Variants in DOCK11 observed in about 807,000 individuals in gnomAD.
DOCK11 encodes the protein dedicator of cytokinesis protein 11.
In DOCK11, 70 loss-of-function variants were observed where a neutral mutation model predicts 169.1. The ratio of observed to expected loss-of-function variants is 0.41; its 90% CI spans 0.34 to 0.51. The LOEUF (loss-of-function observed/expected upper bound fraction) is 0.51. DOCK11 is among the 20% of genes least tolerant of loss of function. DOCK11 has a pLI of 0.10. For missense variants in DOCK11, 1,166 were observed against 1,538.8 expected (o/e 0.76, Z 4.05); for synonymous variants, 529 against 541.3 (o/e 0.98, Z 0.32).
intron 1 of DOCK11, among the ~76,000 whole-genome samples, chrX:118,527,648 CATT>C (rs1569407103): frequency 8.9e-6 from 1 of 112,244 alleles, no homozygotes; most frequent in Non-Finnish European, 1.9e-5. Flanking sequence ...ATATTTTCCT[CATT>C]ATATTTTTGG....
At chrX:118,555,271 G>A (rs370868628) in intron 6 of DOCK11, among the ~76,000 whole-genome samples, 1 of 111,155 alleles carries the variant, frequency 9.0e-6, no homozygotes, top group South Asian at 3.8e-4. Flanking sequence ...ATTAAAACTT[G>A]GGGCCAGGTG....
At chrX:118,636,926 C>G (rs989931180) in intron 36 of DOCK11, among the ~76,000 whole-genome samples, 6 of 111,234 alleles carry the variant, frequency 5.4e-5, no homozygotes, top group Non-Finnish European at 9.4e-5. Context: ...GGGAAGTTGT[C>G]CTATATTTCA....
At chrX:118,616,756 G>A (rs1041271081) in intron 30 of DOCK11, among the ~76,000 whole-genome samples, 3 of 111,677 alleles carry the variant, frequency 2.7e-5, no homozygotes, top group African/African-American at 9.8e-5. Context: ...TGCATAGAAG[G>A]TGATAGGGAT....
At chrX:118,629,128 G>C (rs148806175) in intron 34 of DOCK11, among the ~76,000 whole-genome samples, 90 of 111,418 alleles carry the variant, frequency 8.1e-4, no homozygotes, top group African/African-American at 2.7e-3. Flanking sequence ...AAGTTCCCAG[G>C]TGATGTTGAT....
intron 28 of DOCK11, among the ~76,000 whole-genome samples, chrX:118,613,711 C>T (rs1231192814): frequency 8.9e-6 from 1 of 112,130 alleles, no homozygotes; most frequent in Non-Finnish European, 1.9e-5. Flanking sequence ...TGCTGGTGCC[C>T]GCCTTAGTCT....
At chrX:118,508,401 G>T (rs777865584) in intron 1 of DOCK11, among the ~76,000 whole-genome samples, 1 of 111,519 alleles carries the variant, frequency 9.0e-6, no homozygotes, top group East Asian at 2.8e-4. Context: ...TGCAGGGCCT[G>T]TTGTCACAGT....
At chrX:118,667,867 TATGTG>T (rs1170038634) in intron 45 of DOCK11, among the ~76,000 whole-genome samples, 1 of 111,832 alleles carries the variant, frequency 8.9e-6, no homozygotes, top group Non-Finnish European at 1.9e-5. Context: ...TACTGGTAGA[TATGTG>T]ATGTTTTGAT....
intron 1 of DOCK11, among the ~76,000 whole-genome samples, chrX:118,504,733 T>C (rs2057599139): frequency 8.9e-6 from 1 of 112,015 alleles, no homozygotes; most frequent in African/African-American, 3.2e-5. Flanking sequence ...GTGGGTAACA[T>C]TGGCCTGCCG....
At chrX:118,570,971 A>G (rs1019234563) in intron 10 of DOCK11, among the ~76,000 whole-genome samples, 6 of 112,021 alleles carry the variant, frequency 5.4e-5, no homozygotes, top group Non-Finnish European at 9.4e-5. Flanking sequence ...TTATTTCAAA[A>G]TACCAATAAT....
At chrX:118,547,420 A>G (rs757886033) in intron 6 of DOCK11, among the ~76,000 whole-genome samples, 2 of 111,805 alleles carry the variant, frequency 1.8e-5, no homozygotes, top group Admixed American at 1.9e-4. Flanking sequence ...GTTGTAGGAT[A>G]CTTCCTGTAT....
rs2014777847 is a variant in DOCK11, at chrX:118,615,148, TC to T, written c.3180+375del. Among the ~76,000 whole-genome samples, 3 of 112,197 alleles carry T rather than the reference TC, an allele frequency of 2.7e-5. No homozygotes were observed. The Admixed American group carries it at 2.8e-4, about 11-fold the overall frequency. On this transcript the variant is annotated intron_variant, in intron 29 of 52. Coordinates refer to ENST00000276202, the MANE Select transcript of DOCK11 (RefSeq NM_144658.4). ...GTGAAGGGTCTCACAGAGCACAGCC[TC>T]CTTCTAGCAGTGAAAATGCACTTGT...
chrX:118,512,274 G>A lies in DOCK11; in HGVS notation c.102+16201G>A, dbSNP rs147849726. On this transcript the variant is annotated intron_variant, in intron 1 of 52. Transcript: ENST00000276202. ...GGAGGAATGGTGGAAGGCAAGACCAGGGCTTAATCTCAAGAAACTGAAGGA... is the reference window on the plus strand; with the variant it reads ...GGAGGAATGGTGGAAGGCAAGACCAAGGCTTAATCTCAAGAAACTGAAGGA... 4.1e-3 allele frequency among the ~76,000 whole-genome samples: 458 copies of A among 112,015 alleles called. 3 individuals are homozygous for A. Among genetic ancestry groups the A allele is most frequent in the African/African-American group, 0.013 (413 of 30,864 alleles).
chrX:118,543,035 C>T lies in DOCK11; in HGVS notation c.309+20C>T. ...AAAGAGGTAAGAGGCTCAAAGGCCA[C>T]AGAAGAATATTCTTCATATATTTAA... is the stretch of plus-strand genomic sequence containing the variant. On this transcript the variant is annotated intron_variant, in intron 3 of 52. Coordinates refer to ENST00000276202, the MANE Select transcript of DOCK11 (RefSeq NM_144658.4). 8.9e-7 allele frequency: 1 copy of T among 1,118,346 alleles called. No individual in the cohort carries two copies. The highest frequency in any genetic ancestry group is 1.8e-5 in the African/African-American group (1 of 55,902). 92.2% of individuals were successfully genotyped at this position (1,118,346 alleles called of 1,213,427 possible).
At chrX:118,585,636 A>T (rs962075672) in intron 16 of DOCK11, among the ~76,000 whole-genome samples, 7 of 108,556 alleles carry the variant, frequency 6.4e-5, no homozygotes, top group African/African-American at 2.4e-4. Context: ...AGTATGCACG[A>T]TGAATAGTTA....
In DOCK11 at chrX:118,680,832, C is replaced by T. The variant is rs1187765832; in HGVS notation, c.5671+140C>T. On this transcript the variant is annotated intron_variant, in intron 49 of 52. Transcript: ENST00000276202. ...CTGTTCAGTTACAAGTTTGCACAAG[C>T]ACGTCCATGTGATAAACCATCATTT... 6.8e-6 allele frequency: 4 copies of T among 588,665 alleles called. No individual in the cohort carries two copies. The African/African-American group carries it at 7.0e-5, about 10-fold the overall frequency. The allele number at this position is 588,665 out of a possible 1,213,427, so 48.5% of individuals were successfully genotyped here.
chrX:118,507,672 C>A (rs1481888797), intron 1 of DOCK11, among the ~76,000 whole-genome samples: 1 of 111,607 alleles, frequency 9.0e-6, no homozygotes, highest in Non-Finnish European at 1.9e-5. Flanking sequence ...GGTGACAAGA[C>A]CTTGAGTTTT....
At position 118,654,804 on chromosome X, in the gene DOCK11, G is replaced by A. The variant is rs1158717242; in HGVS notation, c.4898G>A (p.Gly1633Glu). Residue 1633 changes from glycine (G) to glutamate (E), a missense_variant, in exon 43 of 53, where the codon GGA (glycine) becomes GAA (glutamate). By Grantham distance (98) the Gly-to-Glu change is moderately conservative. Transcript: ENST00000276202. ...ATGGCCAAGATTCATGTAAAAAATG[G>A]AGATTTTTCAGAGGTGACTACTTAA... The part of the protein sequence containing the change: ...DSMAKIHVKN[G>E]DFSEAAMCYV... The A allele has an allele frequency of 8.3e-7, 1 of 1,209,727 alleles. No individual in the cohort carries two copies. The highest frequency in any genetic ancestry group is 3.0e-5 in the East Asian group (1 of 33,779).
At chrX:118,615,749 T>A in intron 30 of DOCK11, 38 bp downstream of exon 30, 1 of 1,065,104 alleles carries the variant, frequency 9.4e-7, no homozygotes, top group Non-Finnish European at 1.3e-6. Flanking sequence ...AGTTTGTTTT[T>A]TTCCATGTTT....
intron 1 of DOCK11, among the ~76,000 whole-genome samples, chrX:118,501,863 T>A (rs928627548): frequency 5.4e-5 from 6 of 112,077 alleles, no homozygotes; most frequent in Non-Finnish European, 9.4e-5. Flanking sequence ...AGTAATATTT[T>A]AAAAATTTTT....
Sources: gnomAD v4.1 joint callset for allele counts (sites outside exome capture counted in the v4.1 genomes callset) on GRCh38, gnomAD v4.1.1 for gene constraint, MANE v1.5 for transcripts, NCBI Gene and HGNC (gene_info 2026-07-23, HGNC 2026-07-21) for gene names.